Variants in CLOCK observed in about 807,000 individuals in gnomAD.
CLOCK encodes circadian locomoter output cycles protein kaput.
A neutral mutation model predicts 118.4 loss-of-function variants in CLOCK; 43 were observed. That is an observed-to-expected ratio of 0.36 (90% CI 0.28 to 0.47). CLOCK has a LOEUF of 0.47. CLOCK is among the 20% of genes least tolerant of loss of function. CLOCK has a pLI of 1.00. For missense variants in CLOCK, 846 were observed against 999.9 expected (o/e 0.85, Z 2.08); for synonymous variants, 326 against 339.2 (o/e 0.96, Z 0.43).
At chr4:55,509,425 T>C (rs980540026) in intron 2 of CLOCK, among the ~76,000 whole-genome samples, 2 of 152,100 alleles carry the variant, frequency 1.3e-5, no homozygotes, top group African/African-American at 4.8e-5. Flanking sequence ...CAAACACCAC[T>C]CTTAGCTCAT....
intron 22 of CLOCK, among the ~76,000 whole-genome samples, chr4:55,437,727 C>T (rs536329348): frequency 6.6e-6 from 1 of 152,298 alleles, no homozygotes; most frequent in African/African-American, 2.4e-5. Context: ...GTACGTGGTG[C>T]AGCAGTGACT....
chr4:55,442,674 AAAT>A, intron 20 of CLOCK, 40 bp from the exon 21 acceptor site: 1 of 1,521,940 alleles, frequency 6.6e-7, no homozygotes, highest in Non-Finnish European at 9.1e-7. Flanking sequence ...GATTAACTGA[AAAT>A]AATTATTTGG....
chr4:55,521,564 T>C (rs868296379), intron 1 of CLOCK, among the ~76,000 whole-genome samples: 9 of 152,254 alleles, frequency 5.9e-5, no homozygotes, highest in Non-Finnish European at 8.8e-5. Context: ...TTTAGATGTG[T>C]GCTGCTACTC....
chr4:55,485,458 C>G (rs534228528), intron 3 of CLOCK, among the ~76,000 whole-genome samples: 4 of 152,210 alleles, frequency 2.6e-5, no homozygotes, highest in South Asian at 4.2e-4. Context: ...GGTGGAACAG[C>G]CAAAATACTT....
At chr4:55,492,084 C>A (rs910840461) in intron 2 of CLOCK, among the ~76,000 whole-genome samples, 2 of 152,000 alleles carry the variant, frequency 1.3e-5, no homozygotes, top group African/African-American at 4.8e-5. Context: ...GCCAAAGACA[C>A]CATAAGAAAA....
chr4:55,441,858 C>T (rs1044662620), intron 21 of CLOCK, among the ~76,000 whole-genome samples: 3 of 152,144 alleles, frequency 2.0e-5, no homozygotes, highest in African/African-American at 7.2e-5. Flanking sequence ...GTAATATATG[C>T]TTAAGCACTC....
rs1256169917 is a variant in CLOCK at position 55,430,420 on chromosome 4, T to G, written c.*4995A>C. 2 of 152,208 alleles carry G rather than the reference T, an allele frequency of 1.3e-5. No individual in the cohort carries two copies. The highest frequency in any genetic ancestry group is 4.8e-5 in the African/African-American group (2 of 41,458). 9.4% of individuals were successfully genotyped at this position (152,208 alleles called of 1,614,324 possible). ...GAAAAAACTATGCAAAACAGTCACA[T>G]GGAAAGAAAGTATTTTAATTTTTAA... On this transcript the variant is annotated 3_prime_UTR_variant, in exon 23 of 23. Transcript: ENST00000513440.
At chr4:55,530,655 A>G (rs1455458666) in intron 1 of CLOCK, among the ~76,000 whole-genome samples, 1 of 151,208 alleles carries the variant, frequency 6.6e-6, no homozygotes, top group Non-Finnish European at 1.5e-5. Flanking sequence ...AACGCCTGTA[A>G]TCCCATCTAC....
At chr4:55,468,276 T>C (rs1382451318) in intron 8 of CLOCK, among the ~76,000 whole-genome samples, 1 of 151,930 alleles carries the variant, frequency 6.6e-6, no homozygotes, top group African/African-American at 2.4e-5. Flanking sequence ...ATTATAAGAG[T>C]AGTTTATAAG....
chr4:55,471,133 T>C (rs1726120337), intron 7 of CLOCK, among the ~76,000 whole-genome samples: 1 of 152,220 alleles, frequency 6.6e-6, no homozygotes, highest in African/African-American at 2.4e-5. Context: ...AAGATGCTAA[T>C]GTCTCCAAAG....
At chr4:55,504,464 T>C (rs1038742114) in intron 2 of CLOCK, among the ~76,000 whole-genome samples, 4 of 152,196 alleles carry the variant, frequency 2.6e-5, no homozygotes, top group South Asian at 2.1e-4. Flanking sequence ...ATGCTCAAAA[T>C]TGTATTAATA....
At chr4:55,496,439 A>G (rs112465329) in intron 2 of CLOCK, among the ~76,000 whole-genome samples, 1 of 152,152 alleles carries the variant, frequency 6.6e-6, no homozygotes, top group Non-Finnish European at 1.5e-5. Context: ...GAAATGCTTC[A>G]TTCTTTTTCA....
intron 1 of CLOCK, among the ~76,000 whole-genome samples, chr4:55,532,014 T>C (rs1298043567): frequency 6.6e-6 from 1 of 151,636 alleles, no homozygotes; most frequent in Non-Finnish European, 1.5e-5. Flanking sequence ...TCAAGGATGG[T>C]TCACAATACA....
rs754922250 is a variant in CLOCK, at chr4:55,428,818, A to C, written c.*6597T>G. The C allele has an allele frequency of 6.0e-5, 9 of 151,230 alleles. No individual in the cohort carries two copies. The highest frequency in any genetic ancestry group is 1.2e-4 in the Non-Finnish European group (8 of 67,836). 9.4% of individuals were successfully genotyped at this position (151,230 alleles called of 1,614,324 possible). A position where few individuals can be genotyped will look rare whatever the true frequency, so the allele number is the denominator to read the frequency against. ...TTTTTTTTTTGCACTGACTGGTTTC[A>C]ATACAGCACTGAATTTAACTCATCT... On this transcript the variant is annotated 3_prime_UTR_variant, in exon 23 of 23. Transcript: ENST00000513440.
Position 55,455,056 on chromosome 4 carries a change from C to T in CLOCK, c.982+841G>A, listed in dbSNP as rs1349912679. ...CCATAGAGTTAATGCTATTATACAA[C>T]CTGCTTCATTTTCATACAGTGAGGT... On this transcript the variant is annotated intron_variant, in intron 13 of 22. Coordinates refer to ENST00000513440, the MANE Select transcript of CLOCK (RefSeq NM_004898.4). 3.3e-5 allele frequency among the ~76,000 whole-genome samples: 5 copies of T among 152,222 alleles called. No homozygotes were observed. The East Asian group carries it at 7.7e-4, about 24-fold the overall frequency.
intron 15 of CLOCK, among the ~76,000 whole-genome samples, chr4:55,451,039 TAAAAAA>T (rs929713996): frequency 7.0e-6 from 1 of 142,616 alleles, no homozygotes; most frequent in Non-Finnish European, 1.5e-5. Flanking sequence ...TCTCTCAACT[TAAAAAA>T]AAAAAAGGCA....
chr4:55,545,393 A>G (rs1731547407), intron 1 of CLOCK: 1 of 152,208 alleles, frequency 6.6e-6, no homozygotes, highest in Non-Finnish European at 1.5e-5. Flanking sequence ...GGAATATTGC[A>G]CAATTTTCTC....
intron 1 of CLOCK, among the ~76,000 whole-genome samples, chr4:55,518,507 G>T (rs1238271324): frequency 6.6e-6 from 1 of 152,174 alleles, no homozygotes; most frequent in Non-Finnish European, 1.5e-5. Context: ...CAGTGCTATG[G>T]TCTAAATGTT....
At chr4:55,505,843 C>T (rs1728762724) in intron 2 of CLOCK, among the ~76,000 whole-genome samples, 1 of 126,650 alleles carries the variant, frequency 7.9e-6, no homozygotes, top group African/African-American at 2.7e-5. Flanking sequence ...AACAACAATC[C>T]TGTTGACCAA....
Sources: gnomAD v4.1 joint callset for allele counts (sites outside exome capture counted in the v4.1 genomes callset) on GRCh38, gnomAD v4.1.1 for gene constraint, MANE v1.5 for transcripts, NCBI Gene and HGNC (gene_info 2026-07-23, HGNC 2026-07-21) for gene names.